Variants in SORCS2 observed in about 807,000 individuals in gnomAD.
The protein encoded by SORCS2 is sortilin related VPS10 domain containing receptor 2, also known as VPS10 domain-containing receptor SorCS2.
Under a neutral mutation model 141.6 loss-of-function variants are expected in SORCS2, and 100 were observed. That is an observed-to-expected ratio of 0.71 (90% CI 0.60 to 0.83). The LOEUF is 0.83. SORCS2 is among the 40% of genes least tolerant of loss of function. The pLI is 0.00. For missense variants in SORCS2, 1,646 were observed against 1,560.2 expected (o/e 1.05, Z -0.93); for synonymous variants, 789 against 676.9 (o/e 1.17, Z -2.57).
intron 1 of SORCS2, among the ~76,000 whole-genome samples, chr4:7,395,283 A>G (rs1369347896): frequency 2.6e-5 from 4 of 152,192 alleles, no homozygotes; most frequent in African/African-American, 9.6e-5. Context: ...CTCTGCTTCC[A>G]CGGAGGAGCC....
chr4:7,664,405 A>G lies in SORCS2; in HGVS notation c.1005A>G (p.Thr335=), dbSNP rs1301747022. 1.4e-5 allele frequency: 22 copies of G among 1,613,804 alleles called. No homozygotes were observed. The highest frequency in any genetic ancestry group is 1.4e-5 in the Non-Finnish European group (17 of 1,179,874). Residue 335 remains threonine, a synonymous_variant, in exon 7 of 27, where the codon ACA becomes ACG. Transcript: ENST00000507866. This position sits in a 1 kb window ranked among gnomAD's most constrained non-coding sequence, Gnocchi z 4.7. ...ACAATTGCTCCGAGAAGATGCTGAC[A>G]GCCCCATTCGCAGGCCCCATTGACC... is the stretch of plus-strand genomic sequence containing the variant. The part of the protein sequence containing the change: ...AIHNCSEKML[T]APFAGPIDHG...
intron 3 of SORCS2, among the ~76,000 whole-genome samples, chr4:7,629,126 G>A (rs1258795969): frequency 1.3e-5 from 2 of 152,054 alleles, no homozygotes; most frequent in African/African-American, 2.4e-5. Context: ...TGAGGCGACG[G>A]CTGTGTTGAT....
intron 18 of SORCS2, among the ~76,000 whole-genome samples, chr4:7,719,324 C>T (rs1448528142): frequency 6.6e-6 from 1 of 152,228 alleles, no homozygotes; most frequent in African/African-American, 2.4e-5. Flanking sequence ...GCCTCCGTGG[C>T]GGGCGCTGTG....
intron 1 of SORCS2, among the ~76,000 whole-genome samples, chr4:7,293,632 G>A (rs1227319234): frequency 6.6e-6 from 1 of 152,200 alleles, no homozygotes. Flanking sequence ...AAGCCAACCT[G>A]TTGCTTTCTG....
At position 7,404,422 on chromosome 4, in the gene SORCS2, C is replaced by G. The variant is rs149950969; in HGVS notation, c.548+8067C>G. ...TTCTATTTTTAGGTATTTGAGCAAT[C>G]TCTGAACTGTTTTCCGTAGAGTCTG... On this transcript the variant is annotated intron_variant, in intron 2 of 26. Coordinates refer to ENST00000507866, the MANE Select transcript of SORCS2 (RefSeq NM_020777.3). Among the ~76,000 whole-genome samples the G allele has an allele frequency of 3.9e-3, 598 of 152,256 alleles. 3 individuals carry two copies. The highest frequency in any genetic ancestry group is 7.3e-3 in the Non-Finnish European group (494 of 68,012).
At chr4:7,194,845 AG>A (rs1439949541) in intron 1 of SORCS2, among the ~76,000 whole-genome samples, 12 of 152,308 alleles carry the variant, frequency 7.9e-5, no homozygotes, top group African/African-American at 1.9e-4. Context: ...AGGGCCAGAA[AG>A]CTCTAATCCC....
At chr4:7,411,917 G>A (rs1725347030) in intron 2 of SORCS2, among the ~76,000 whole-genome samples, 1 of 152,180 alleles carries the variant, frequency 6.6e-6, no homozygotes, top group African/African-American at 2.4e-5. Context: ...CCTACATAGT[G>A]CTTTCAACAC....
At chr4:7,250,649 C>T (rs1423732321) in intron 1 of SORCS2, among the ~76,000 whole-genome samples, 1 of 152,248 alleles carries the variant, frequency 6.6e-6, no homozygotes, top group Non-Finnish European at 1.5e-5. Flanking sequence ...AAAGGACAGA[C>T]TCAACCGGCC....
chr4:7,217,927 C>T (rs574235808), intron 1 of SORCS2, among the ~76,000 whole-genome samples: 6 of 152,130 alleles, frequency 3.9e-5, no homozygotes, highest in South Asian at 2.1e-4. Flanking sequence ...CTGTGCTGGC[C>T]GGGGTCACAG....
intron 2 of SORCS2, among the ~76,000 whole-genome samples, chr4:7,452,444 G>C (rs1728522873): frequency 6.6e-6 from 1 of 152,168 alleles, no homozygotes. Flanking sequence ...GCTCGGCCTG[G>C]AAGGTTCTTC....
chr4:7,549,094 C>T (rs965293059), intron 3 of SORCS2, among the ~76,000 whole-genome samples: 131 of 152,092 alleles, frequency 8.6e-4, no homozygotes, highest in African/African-American at 2.9e-3. Flanking sequence ...AGGGCAGGAG[C>T]GTGCCCCCAG....
chr4:7,439,281 C>G (rs1166218818), intron 2 of SORCS2, among the ~76,000 whole-genome samples: 1 of 152,152 alleles, frequency 6.6e-6, no homozygotes, highest in African/African-American at 2.4e-5. Context: ...TTCCAACACT[C>G]AGTGCAGTGT....
chr4:7,731,646 A>G (rs906673683), intron 23 of SORCS2, among the ~76,000 whole-genome samples: 1 of 152,270 alleles, frequency 6.6e-6, no homozygotes, highest in South Asian at 2.1e-4. Flanking sequence ...AATAGAGCCC[A>G]GAAATAAATC....
chr4:7,445,887 C>G (rs1412239519), intron 2 of SORCS2, among the ~76,000 whole-genome samples: 1 of 152,152 alleles, frequency 6.6e-6, no homozygotes, highest in South Asian at 2.1e-4. Context: ...TCCCCACTGG[C>G]CCTGAGAGTA....
chr4:7,698,769 G>C (rs1321494758), intron 12 of SORCS2, among the ~76,000 whole-genome samples: 1 of 152,248 alleles, frequency 6.6e-6, no homozygotes, highest in Non-Finnish European at 1.5e-5. Context: ...GGAAGGAGAG[G>C]GGCTTGCCTG....
At chr4:7,370,313 G>A (rs55746646) in intron 1 of SORCS2, among the ~76,000 whole-genome samples, 49,242 of 152,094 alleles carry the variant, frequency 0.32, 9,269 homozygotes, top group Middle Eastern at 0.46. Flanking sequence ...GTCTGAGCCC[G>A]GACGGGGGCA....
intron 1 of SORCS2, among the ~76,000 whole-genome samples, chr4:7,372,283 T>C (rs1198221487): frequency 6.6e-6 from 1 of 152,196 alleles, no homozygotes; most frequent in African/African-American, 2.4e-5. Context: ...GAGGTATAAA[T>C]TACATGTAGT....
At chr4:7,349,561 A>G (rs1720823802) in intron 1 of SORCS2, among the ~76,000 whole-genome samples, 1 of 152,120 alleles carries the variant, frequency 6.6e-6, no homozygotes, top group South Asian at 2.1e-4. Flanking sequence ...AGAGCAGTCA[A>G]GCAGGGTCAG....
intron 1 of SORCS2, among the ~76,000 whole-genome samples, chr4:7,351,687 A>G (rs1236718598): frequency 2.2e-5 from 3 of 136,050 alleles, no homozygotes; most frequent in Non-Finnish European, 4.8e-5. Context: ...CCATCCGTCC[A>G]TCCATCCATC....
Sources: gnomAD v4.1 joint callset for allele counts (sites outside exome capture counted in the v4.1 genomes callset) on GRCh38, gnomAD v4.1.1 for gene constraint, Gnocchi (gnomAD v3.1) non-coding constraint, MANE v1.5 for transcripts, NCBI Gene and HGNC (gene_info 2026-07-23, HGNC 2026-07-21) for gene names.